Variants in STK24 observed in about 807,000 individuals in gnomAD.
The protein encoded by STK24 is serine/threonine kinase 24.
A neutral mutation model predicts 55.6 loss-of-function variants in STK24; 21 were observed. The observed-to-expected ratio is 0.38, with a 90% CI of 0.27 to 0.54. STK24 has a LOEUF of 0.54. Ranked by LOEUF, STK24 falls within the 20% of genes least tolerant of loss-of-function variation. The pLI is 0.79. For missense variants in STK24, 383 were observed against 538.4 expected, an observed-to-expected ratio of 0.71 and a Z score of 2.86; for synonymous variants, 200 against 215.2, an observed-to-expected ratio of 0.93 and a Z score of 0.62.
chr13:98,536,189 G>A (rs1896730806), intron 1 of STK24, among the ~76,000 whole-genome samples: 1 of 152,202 alleles, frequency 6.6e-6, no homozygotes, highest in Admixed American at 6.5e-5. Flanking sequence ...CCCTAGGTGG[G>A]GCAGCAAGGG....
At chr13:98,530,197 T>C (rs538371196) in intron 1 of STK24, among the ~76,000 whole-genome samples, 10 of 152,076 alleles carry the variant, frequency 6.6e-5, no homozygotes, top group African/African-American at 2.2e-4. Context: ...CACACACAAA[T>C]ACTTCCAGAA....
In STK24 at chr13:98,446,661, TCCAGGACAATCATCCCCTTG is replaced by T; in HGVS notation, c.*6492_*6511del. 1 of 1,613,970 alleles carries T rather than the reference TCCAGGACAATCATCCCCTTG, an allele frequency of 6.2e-7. No homozygotes were observed. Among genetic ancestry groups the T allele is most frequent in the Non-Finnish European group, 8.5e-7 (1 of 1,179,944 alleles). On this transcript the variant is annotated 3_prime_UTR_variant, in exon 11 of 11. Coordinates refer to ENST00000539966, the MANE Select transcript of STK24 (RefSeq NM_001032296.4). ...AAGCCACTTTGCTTTGTTTCCCCTT[TCCAGGACAATCATCCCCTTG>T]CCAGCCTGCCTCTGCTCGGCTACTC...
chr13:98,460,338 C>T, intron 9 of STK24, 34 bp downstream of exon 9: 1 of 1,587,154 alleles, frequency 6.3e-7, no homozygotes, highest in Non-Finnish European at 8.6e-7. Context: ...TTCCCCCTCC[C>T]CTCCCACTCC....
At chr13:98,536,745 G>A (rs954912913) in intron 1 of STK24, among the ~76,000 whole-genome samples, 5 of 152,118 alleles carry the variant, frequency 3.3e-5, no homozygotes, top group South Asian at 2.1e-4. Context: ...CTGGGGTCCC[G>A]GGAGCTGCCC....
In STK24 at chr13:98,461,907, G is replaced by A; in HGVS notation, c.930-10C>T. ...TTGGCCATCTGTTTCCCTTAACACA[G>A]AAATGCAGGAAATCCCATCAGTGCT... On this transcript the variant is annotated splice_polypyrimidine_tract_variant and intron_variant, in intron 7 of 10. Coordinates refer to ENST00000539966, the MANE Select transcript of STK24 (RefSeq NM_001032296.4). The A allele has an allele frequency of 1.2e-6, 2 of 1,613,420 alleles. No individual in the cohort carries two copies. The highest frequency in any genetic ancestry group is 1.7e-6 in the Non-Finnish European group (2 of 1,179,494).
At chr13:98,542,909 C>G (rs1447529720) in intron 1 of STK24, 1 of 985,306 alleles carries the variant, frequency 1.0e-6, no homozygotes, top group East Asian at 1.1e-4. Context: ...CCAGAACACG[C>G]GGCCTGACAG....
chr13:98,461,798 C>T lies in STK24; in HGVS notation c.1029G>A (p.Gln343=). 1.2e-6 allele frequency: 2 copies of T among 1,614,132 alleles called. No individual in the cohort carries two copies. The highest frequency in any genetic ancestry group is 1.7e-6 in the Non-Finnish European group (2 of 1,179,982). ...DPKNLENGAL[Q]PSDLDRNKMK... ...CCTTATTTCTGTCCAAGTCCGATGG[C>T]TGAAGAGCTCCATTCTCGAGATTCT... Residue 343 remains glutamine, a synonymous_variant, in exon 8 of 11, where the codon CAG becomes CAA. Coordinates refer to ENST00000539966, the MANE Select transcript of STK24 (RefSeq NM_001032296.4).
chr13:98,459,308 G>A (rs1349947465), intron 9 of STK24, among the ~76,000 whole-genome samples: 4 of 152,236 alleles, frequency 2.6e-5, no homozygotes, highest in South Asian at 4.1e-4. Flanking sequence ...CAGGGCCTCC[G>A]CGTGCCCTGT....
At chr13:98,481,884 C>T (rs1326002315) in intron 3 of STK24, among the ~76,000 whole-genome samples, 1 of 151,928 alleles carries the variant, frequency 6.6e-6, no homozygotes, top group Admixed American at 6.6e-5. Flanking sequence ...CCTATTTCTA[C>T]CCAAAAACAA....
rs398038978 is a variant in STK24 at position 98,503,024 on chromosome 13, G to GTTTTTTTTTTTTTTTTT, written c.273+16202_273+16218dup. Among the ~76,000 whole-genome samples the GTTTTTTTTTTTTTTTTT allele has an allele frequency of 2.7e-3, 287 of 107,034 alleles. 33 individuals carry two copies. Among genetic ancestry groups the GTTTTTTTTTTTTTTTTT allele is most frequent in the African/African-American group, 0.011 (272 of 25,004 alleles). The allele number at this position is 107,034 out of a possible 152,430, so 70.2% of individuals were successfully genotyped here. A position where few individuals can be genotyped will look rare whatever the true frequency, so the allele number is the denominator to read the frequency against. On this transcript the variant is annotated intron_variant, in intron 2 of 10. Coordinates refer to ENST00000539966, the MANE Select transcript of STK24 (RefSeq NM_001032296.4). ...AATATATTAGAAATACTTTCCATGT[G>GTTTTTTTTTTTTTTTTT]TTTTTTTTTTTTTTTTTCAGTATGG...
At chr13:98,507,247 A>C (rs973463074) in intron 2 of STK24, among the ~76,000 whole-genome samples, 9 of 152,272 alleles carry the variant, frequency 5.9e-5, no homozygotes, top group African/African-American at 2.2e-4. Flanking sequence ...GAAGTACTTA[A>C]GAGGACAACC....
At chr13:98,491,426 G>A (rs1490109235) in intron 2 of STK24, among the ~76,000 whole-genome samples, 2 of 152,146 alleles carry the variant, frequency 1.3e-5, no homozygotes, top group African/African-American at 4.8e-5. Context: ...GGCAACAAAC[G>A]TTCACTGGGA....
At position 98,451,430 on chromosome 13, in the gene STK24, T is replaced by C. The variant is rs983164569; in HGVS notation, c.*1743A>G. The C allele has an allele frequency of 1.3e-5, 2 of 152,180 alleles. No individual in the cohort carries two copies. Among genetic ancestry groups the C allele is most frequent in the African/African-American group, 4.8e-5 (2 of 41,428 alleles). 9.4% of individuals were successfully genotyped at this position (152,180 alleles called of 1,614,324 possible). On this transcript the variant is annotated 3_prime_UTR_variant, in exon 11 of 11. Coordinates refer to ENST00000539966, the MANE Select transcript of STK24 (RefSeq NM_001032296.4). ...ATAAGAATTAGCAACTCAGTTCTATTTCCCCAACCAAAATATATCCCTTAT... is the reference window on the plus strand; with the variant it reads ...ATAAGAATTAGCAACTCAGTTCTATCTCCCCAACCAAAATATATCCCTTAT...
At chr13:98,530,296 A>C (rs1451980753) in intron 1 of STK24, among the ~76,000 whole-genome samples, 2 of 152,194 alleles carry the variant, frequency 1.3e-5, no homozygotes, top group Non-Finnish European at 2.9e-5. Context: ...GGAATACTTA[A>C]GGCAGCTCCG....
chr13:98,531,752 T>C (rs1217018569), intron 1 of STK24, among the ~76,000 whole-genome samples: 5 of 152,148 alleles, frequency 3.3e-5, no homozygotes, highest in African/African-American at 9.7e-5. Flanking sequence ...AAGGTGCAGA[T>C]GGTATTAATG....
chr13:98,474,514 C>T (rs1338464700), intron 5 of STK24, among the ~76,000 whole-genome samples: 1 of 152,138 alleles, frequency 6.6e-6, no homozygotes, highest in East Asian at 1.9e-4. Flanking sequence ...CCCCTCACCA[C>T]CATGGCCCTT....
chr13:98,475,810 G>C (rs938895599), intron 3 of STK24, among the ~76,000 whole-genome samples: 1 of 152,222 alleles, frequency 6.6e-6, no homozygotes, highest in Admixed American at 6.5e-5. Context: ...CCAAGAGACA[G>C]AGCAGCCAGG....
chr13:98,538,640 T>G (rs1896801290), intron 1 of STK24, among the ~76,000 whole-genome samples: 1 of 152,122 alleles, frequency 6.6e-6, no homozygotes, highest in Non-Finnish European at 1.5e-5. Flanking sequence ...TCTTGCCACT[T>G]CTTTCTCCTA....
intron 1 of STK24, among the ~76,000 whole-genome samples, chr13:98,567,555 T>C (rs533008899): frequency 1.3e-5 from 2 of 152,316 alleles, no homozygotes; most frequent in Non-Finnish European, 2.9e-5. Flanking sequence ...TCAGTTCAAG[T>C]TGGGGAGGTG....
Sources: gnomAD v4.1 joint callset for allele counts (sites outside exome capture counted in the v4.1 genomes callset) on GRCh38, gnomAD v4.1.1 for gene constraint, MANE v1.5 for transcripts, NCBI Gene and HGNC (gene_info 2026-07-23, HGNC 2026-07-21) for gene names.